The following ADAMTSL1 variants were observed in gnomAD, a reference collection of about 807,000 sequenced individuals.
ADAMTSL1 encodes the protein ADAMTS-like protein 1.
In ADAMTSL1, 126 loss-of-function variants were observed where a neutral mutation model predicts 201.8. The observed-to-expected ratio is 0.62, with a 90% CI of 0.54 to 0.72. The LOEUF (loss-of-function observed/expected upper bound fraction) is 0.72, where lower values mean the gene tolerates loss of function less well. Ranked by LOEUF, ADAMTSL1 falls within the 30% of genes least tolerant of loss-of-function variation. The pLI is 0.00. For synonymous variants in ADAMTSL1, 1,121 were observed against 903.4 expected (o/e 1.24, Z -4.32); for missense variants, 2,679 against 2,277.8 (o/e 1.18, Z -3.59).
intron 2 of ADAMTSL1, among the ~76,000 whole-genome samples, chr9:18,174,337 G>C (rs757921444): frequency 1.1e-4 from 17 of 152,152 alleles, no homozygotes; most frequent in Non-Finnish European, 2.1e-4. Flanking sequence ...CCATCCATCA[G>C]TAGTTGAAGG....
At chr9:18,113,003 T>C (rs1825095507) in intron 1 of ADAMTSL1, among the ~76,000 whole-genome samples, 1 of 152,146 alleles carries the variant, frequency 6.6e-6, no homozygotes, top group African/African-American at 2.4e-5. Context: ...TAATGTCTAG[T>C]CCAGGGCTTT....
intron 2 of ADAMTSL1, among the ~76,000 whole-genome samples, chr9:18,215,795 A>G (rs902977672): frequency 1.1e-4 from 17 of 152,250 alleles, no homozygotes; most frequent in African/African-American, 4.1e-4. Context: ...CAGGGGGACC[A>G]GCTCCTGCTG....
chr9:18,826,210 A>G (rs532421925), intron 21 of ADAMTSL1, 74 bp from the exon 22 acceptor site: 9 of 1,531,738 alleles, frequency 5.9e-6, no homozygotes, highest in East Asian at 4.9e-5. Context: ...TCAAGAAGCT[A>G]TAAATGCCTC....
intron 20 of ADAMTSL1, among the ~76,000 whole-genome samples, chr9:18,798,094 G>C (rs4977439): frequency 1.7e-3 from 240 of 143,686 alleles, no homozygotes; most frequent in Middle Eastern, 6.9e-3. Flanking sequence ...AGGCCAAAGA[G>C]GAAAAAAAAA....
Position 18,286,267 on chromosome 9 carries a change from C to T in ADAMTSL1, c.207+122286C>T, listed in dbSNP as rs149028557. Reference sequence around the variant, plus strand: ...ACCTAGTTATGATTCTGTATTCAGTCTAAGCACATTTAAACTTAGAAAAGT... The same window carrying T: ...ACCTAGTTATGATTCTGTATTCAGTTTAAGCACATTTAAACTTAGAAAAGT... On this transcript the variant is annotated intron_variant, in intron 2 of 29. Transcript: ENST00000680146. Among the ~76,000 whole-genome samples the T allele has an allele frequency of 2.0e-5, 3 of 152,214 alleles. No homozygotes were observed. The East Asian group carries it at 5.8e-4, about 29-fold the overall frequency.
At chr9:18,540,314 T>C (rs1820048671) in intron 3 of ADAMTSL1, among the ~76,000 whole-genome samples, 1 of 152,162 alleles carries the variant, frequency 6.6e-6, no homozygotes, top group Non-Finnish European at 1.5e-5. Context: ...AGTGAATGAT[T>C]ATGCTACACT....
chr9:17,933,065 G>A (rs188250771), intron 1 of ADAMTSL1, among the ~76,000 whole-genome samples: 7 of 152,148 alleles, frequency 4.6e-5, no homozygotes, highest in Admixed American at 6.6e-5. Flanking sequence ...GTTTCTTTTC[G>A]GTGCTGTAAT....
intron 1 of ADAMTSL1, among the ~76,000 whole-genome samples, chr9:18,043,567 A>C (rs1821522895): frequency 6.6e-6 from 1 of 152,078 alleles, no homozygotes; most frequent in East Asian, 1.9e-4. Context: ...GCCTAGGCCT[A>C]ACCCCTACCC....
intron 2 of ADAMTSL1, among the ~76,000 whole-genome samples, chr9:18,288,230 T>A (rs1367042594): frequency 6.6e-6 from 1 of 152,100 alleles, no homozygotes; most frequent in African/African-American, 2.4e-5. Flanking sequence ...CACTGGAAAT[T>A]AAGACAGTTA....
intron 1 of ADAMTSL1, among the ~76,000 whole-genome samples, chr9:18,000,099 T>C (rs1586876219): frequency 4.0e-5 from 6 of 150,766 alleles, no homozygotes; most frequent in African/African-American, 1.5e-4. Context: ...GCATGATTTA[T>C]AGTCATATGG....
chr9:18,386,327 A>C (rs567369160), intron 2 of ADAMTSL1, among the ~76,000 whole-genome samples: 1 of 152,182 alleles, frequency 6.6e-6, no homozygotes, highest in African/African-American at 2.4e-5. Context: ...TCAGCTTTTT[A>C]GCTCTGCATG....
At chr9:18,879,816 G>C (rs184206645) in intron 23 of ADAMTSL1, among the ~76,000 whole-genome samples, 1 of 152,192 alleles carries the variant, frequency 6.6e-6, no homozygotes, top group Non-Finnish European at 1.5e-5. Flanking sequence ...TCTCATGAAA[G>C]AGTCCTCTGT....
At chr9:18,505,611 T>C (rs1222123540) in intron 2 of ADAMTSL1, among the ~76,000 whole-genome samples, 1 of 152,322 alleles carries the variant, frequency 6.6e-6, no homozygotes, top group South Asian at 2.1e-4. Flanking sequence ...GAGTAATAAT[T>C]TAAAACTCCT....
intron 3 of ADAMTSL1, among the ~76,000 whole-genome samples, chr9:18,552,360 T>C (rs187027379): frequency 6.6e-6 from 1 of 151,878 alleles, no homozygotes; most frequent in Non-Finnish European, 1.5e-5. Flanking sequence ...AATCTGTTCA[T>C]TAACTTCTAA....
At chr9:18,354,050 T>TAC (rs1836097335) in intron 2 of ADAMTSL1, among the ~76,000 whole-genome samples, 1 of 95,902 alleles carries the variant, frequency 1.0e-5, no homozygotes, top group African/African-American at 4.4e-5. Flanking sequence ...TTTCTATACA[T>TAC]ATATATATAT....
chr9:18,565,724 T>C (rs1821849208), intron 3 of ADAMTSL1, among the ~76,000 whole-genome samples: 1 of 152,232 alleles, frequency 6.6e-6, no homozygotes, highest in Non-Finnish European at 1.5e-5. Flanking sequence ...TATTATGCTC[T>C]TAAAATGTAA....
chr9:18,199,668 C>T (rs934530861), intron 2 of ADAMTSL1, among the ~76,000 whole-genome samples: 1 of 152,012 alleles, frequency 6.6e-6, no homozygotes, highest in Non-Finnish European at 1.5e-5. Context: ...GAAAATGTAG[C>T]ATTAAATAAG....
At chr9:18,357,855 G>A (rs755160458) in intron 2 of ADAMTSL1, among the ~76,000 whole-genome samples, 10 of 152,052 alleles carry the variant, frequency 6.6e-5, no homozygotes, top group East Asian at 3.9e-4. Context: ...TACTGCTATC[G>A]TTTTAGACCT....
At chr9:18,837,013 C>G (rs1485559861) in intron 23 of ADAMTSL1, among the ~76,000 whole-genome samples, 1 of 152,072 alleles carries the variant, frequency 6.6e-6, no homozygotes, top group Non-Finnish European at 1.5e-5. Flanking sequence ...TTTTGGAAGT[C>G]TTTAGGGTTT....
Sources: allele counts gnomAD v4.1 joint callset (sites outside exome capture counted in the v4.1 genomes callset), GRCh38; gene constraint gnomAD v4.1.1; transcripts MANE v1.5; gene names NCBI Gene and HGNC (gene_info 2026-07-23, HGNC 2026-07-21).